Variants in PEPD observed in about 807,000 individuals in gnomAD.
PEPD encodes the protein peptidase D.
A neutral mutation model predicts 60.7 loss-of-function variants in PEPD; 53 were observed. The ratio of observed to expected loss-of-function variants is 0.87; its 90% CI spans 0.70 to 1.10. The LOEUF (loss-of-function observed/expected upper bound fraction) is 1.10. Ranked by LOEUF, PEPD falls within the 50% of genes least tolerant of loss-of-function variation. The probability of loss-of-function intolerance (pLI) is 0.00; values close to 1 mark genes in which losing one functional copy is unlikely to be tolerated. For synonymous variants in PEPD, 267 were observed against 284.1 expected (o/e 0.94, Z 0.60); for missense variants, 711 against 711.9 (o/e 1.00, Z 0.01).
At chr19:33,466,876 G>A (rs930670352) in intron 7 of PEPD, among the ~76,000 whole-genome samples, 5 of 152,048 alleles carry the variant, frequency 3.3e-5, no homozygotes, top group Admixed American at 2.0e-4. Flanking sequence ...AAACAGTCTA[G>A]GCCGGGCGCG....
rs1455265714 is a variant in PEPD, at chr19:33,413,582, A to G, written c.733T>C (p.Cys245Arg). 2 of 1,569,488 alleles carry G rather than the reference A, an allele frequency of 1.3e-6. No homozygotes were observed. The change falls in exon 10 of 15, where the codon TGC becomes CGC. Residue 245 changes from cysteine to arginine, a missense_variant. Physicochemically the swap from Cys to Arg is radical, Grantham distance 180. Coordinates refer to ENST00000244137, the MANE Select transcript of PEPD (RefSeq NM_000285.4). ...GMRHSSYTCI[C>R]GSGENSAVLH... ...CCAGGGTGCCCCGCTTACCTGCCGC[A>G]GATGCAGGTGTAGGAGCTGTGGCGC...
chr19:33,493,360 C>T (rs537462679), intron 4 of PEPD, 23 bp from the exon 5 acceptor site: 2 of 1,588,474 alleles, frequency 1.3e-6, no homozygotes, highest in South Asian at 2.2e-5. Context: ...AAAGAAAAAC[C>T]CACTTTAGAG....
intron 9 of PEPD, among the ~76,000 whole-genome samples, chr19:33,418,623 C>T (rs1968941591): frequency 6.6e-6 from 1 of 152,236 alleles, no homozygotes; most frequent in Admixed American, 6.5e-5. Flanking sequence ...TGGGTGGCAC[C>T]AGCGACCTAT....
chr19:33,438,264 G>A (rs528954925), intron 9 of PEPD, among the ~76,000 whole-genome samples: 1 of 152,314 alleles, frequency 6.6e-6, no homozygotes, highest in East Asian at 1.9e-4. Flanking sequence ...AGTTCTCCCA[G>A]GGTACAGGCT....
intron 9 of PEPD, among the ~76,000 whole-genome samples, chr19:33,417,369 G>A (rs1968912598): frequency 6.6e-6 from 1 of 152,196 alleles, no homozygotes; most frequent in Admixed American, 6.5e-5. Context: ...TAGGAAAGCA[G>A]GTAGTTGGGA....
chr19:33,483,093 T>G (rs1970337723), intron 6 of PEPD, among the ~76,000 whole-genome samples: 1 of 151,994 alleles, frequency 6.6e-6, no homozygotes. Flanking sequence ...TCAAAAAATA[T>G]CCATGGCTCA....
At chr19:33,476,623 A>T (rs1324695479) in intron 7 of PEPD, among the ~76,000 whole-genome samples, 1 of 151,908 alleles carries the variant, frequency 6.6e-6, no homozygotes, top group Non-Finnish European at 1.5e-5. Context: ...CACTTGCCCT[A>T]CAGCTGGGTC....
chr19:33,480,173 G>C (rs1367694128), intron 6 of PEPD, among the ~76,000 whole-genome samples: 1 of 152,104 alleles, frequency 6.6e-6, no homozygotes, highest in East Asian at 1.9e-4. Context: ...TAGATTCAAA[G>C]ACACAAATAG....
intron 12 of PEPD, among the ~76,000 whole-genome samples, chr19:33,394,365 G>T (rs1446453804): frequency 6.9e-6 from 1 of 145,008 alleles, no homozygotes; most frequent in Non-Finnish European, 1.6e-5. Flanking sequence ...GGCCCTTCCC[G>T]GGGGCAGGCC....
intron 7 of PEPD, among the ~76,000 whole-genome samples, chr19:33,464,611 C>A (rs1345010839): frequency 6.6e-6 from 1 of 152,116 alleles, no homozygotes; most frequent in African/African-American, 2.4e-5. Context: ...AACAGCTGGA[C>A]AGCAGACACA....
chr19:33,458,014 G>A (rs1268739099), intron 9 of PEPD, among the ~76,000 whole-genome samples: 2 of 152,216 alleles, frequency 1.3e-5, no homozygotes, highest in African/African-American at 2.4e-5. Context: ...TATGTGGTAT[G>A]TCAATGGGTG....
At chr19:33,500,812 G>T in intron 4 of PEPD, 126 bp downstream of exon 4, 2 of 761,598 alleles carry the variant, frequency 2.6e-6, no homozygotes, top group South Asian at 1.3e-5. Context: ...GCGGCGCAGG[G>T]ACTGGTGGCC....
intron 7 of PEPD, among the ~76,000 whole-genome samples, chr19:33,465,579 A>C: frequency 6.6e-6 from 1 of 152,094 alleles, no homozygotes; most frequent in East Asian, 1.9e-4. Context: ...TGCCCTTGTG[A>C]CAGCATCGCA....
At chr19:33,402,586 G>A (rs1042414592) in intron 11 of PEPD, among the ~76,000 whole-genome samples, 2 of 152,206 alleles carry the variant, frequency 1.3e-5, no homozygotes, top group Admixed American at 6.5e-5. Context: ...CCAAGGGGAG[G>A]GCAGGGAGGA....
intron 7 of PEPD, among the ~76,000 whole-genome samples, chr19:33,472,862 C>T (rs1342990996): frequency 6.6e-6 from 1 of 152,168 alleles, no homozygotes. Context: ...ACTGAACCCG[C>T]AACAACTATC....
chr19:33,411,811 G>A, intron 10 of PEPD, 62 bp from the exon 11 acceptor site: 2 of 1,017,728 alleles, frequency 2.0e-6, no homozygotes, highest in Non-Finnish European at 3.1e-6. Context: ...CTGAAGGAGG[G>A]GGTGGATGCT....
Position 33,387,190 on chromosome 19 carries a change from G to T in PEPD, c.*154C>A. On this transcript the variant is annotated 3_prime_UTR_variant, in exon 15 of 15. Coordinates refer to ENST00000244137, the MANE Select transcript of PEPD (RefSeq NM_000285.4). ...GTAATTAAAAAAGTGTTTCCTCCCC[G>T]GGAAACAGCACTGTTTGGTCTGATC... The T allele has an allele frequency of 3.6e-6, 3 of 836,158 alleles. No individual in the cohort carries two copies. The highest frequency in any genetic ancestry group is 1.6e-5 in the South Asian group (1 of 62,036). The allele number at this position is 836,158 out of a possible 1,614,324, so 51.8% of individuals were successfully genotyped here. A position where few individuals can be genotyped will look rare whatever the true frequency, so the allele number is the denominator to read the frequency against.
At chr19:33,397,163 G>A (rs979635175) in intron 12 of PEPD, among the ~76,000 whole-genome samples, 102 of 152,282 alleles carry the variant, frequency 6.7e-4, no homozygotes, top group African/African-American at 2.3e-3. Flanking sequence ...CTGAGCGAGC[G>A]CAGCCTCCTT....
At chr19:33,431,992 CAAAA>C (rs906879187) in intron 9 of PEPD, among the ~76,000 whole-genome samples, 4 of 77,876 alleles carry the variant, frequency 5.1e-5, no homozygotes, top group Admixed American at 1.3e-4. Context: ...GACACCACCT[CAAAA>C]AAAAAAAAAA....
Sources: allele counts gnomAD v4.1 joint callset (sites outside exome capture counted in the v4.1 genomes callset), GRCh38; gene constraint gnomAD v4.1.1; transcripts MANE v1.5; gene names NCBI Gene and HGNC (gene_info 2026-07-23, HGNC 2026-07-21).